Variants in HIVEP3 observed in about 807,000 individuals in gnomAD.
The protein encoded by HIVEP3 is transcription factor HIVEP3.
In HIVEP3, 49 loss-of-function variants were observed where a neutral mutation model predicts 152.8. The observed-to-expected ratio is 0.32, with a 90% confidence interval of 0.26 to 0.41. The LOEUF (loss-of-function observed/expected upper bound fraction) is 0.41, where lower values mean the gene tolerates loss of function less well. HIVEP3 is among the 10% of genes least tolerant of loss of function. The pLI, the probability that HIVEP3 is intolerant of heterozygous loss-of-function variation, is 1.00. For synonymous variants in HIVEP3, 1,269 were observed against 1,289.0 expected, an observed-to-expected ratio of 0.98 and a Z score of 0.33; for missense variants, 2,790 against 3,103.3, an observed-to-expected ratio of 0.90 and a Z score of 2.40.
At chr1:41,536,405 G>A (rs1246524851) in intron 5 of HIVEP3, among the ~76,000 whole-genome samples, 1 of 152,174 alleles carries the variant, frequency 6.6e-6, no homozygotes, top group East Asian at 1.9e-4. Context: ...ACATTGTAAA[G>A]TGGATATATT....
Position 41,533,641 on chromosome 1 carries a change from C to G in HIVEP3, c.5208-8731G>C, listed in dbSNP as rs775772062. ...CGCCCTCTTGCTGGCCTTCTGGAGG[C>G]ACCTCATTCCCTCCTGCTTGTGTCT... On this transcript the variant is annotated intron_variant, in intron 5 of 8. Coordinates refer to ENST00000372583, the MANE Select transcript of HIVEP3 (RefSeq NM_024503.5). This position sits in a 1 kb window ranked among gnomAD's most constrained non-coding sequence, Gnocchi z 4.3. 4.0e-5 allele frequency among the ~76,000 whole-genome samples: 6 copies of G among 151,532 alleles called. No homozygotes were observed. Among genetic ancestry groups the G allele is most frequent in the Non-Finnish European group, 7.4e-5 (5 of 67,920 alleles).
At chr1:41,539,512 G>A (rs66604456) in intron 5 of HIVEP3, among the ~76,000 whole-genome samples, 16,689 of 152,214 alleles carry the variant, frequency 0.11, 1,636 homozygotes, top group East Asian at 0.46. Context: ...AGCCCAGGCC[G>A]ATGCAGGACC....
intron 1 of HIVEP3, among the ~76,000 whole-genome samples, chr1:41,809,451 C>T (rs973503748): frequency 2.0e-5 from 3 of 152,226 alleles, no homozygotes; most frequent in Non-Finnish European, 4.4e-5. Context: ...CTTCTCAATA[C>T]AGGTGATTCT....
rs769075275 is a variant in HIVEP3 at position 41,584,617 on chromosome 1, C to T, written c.181G>A (p.Gly61Ser). ...CCTTCCCTAAGAACTGATGAGGGGC[C>T]CGGGAAGGGCTGCGGGGCTAAGAGC... The part of the protein sequence containing the change: ...QELLAPQPFP[G>S]PSSVLREGSQ... Residue 61 changes from glycine to serine, a missense_variant, in exon 4 of 9, where the codon GGC (glycine) becomes AGC (serine). By Grantham distance (56) the Gly-to-Ser change is moderately conservative (BLOSUM62 0). Transcript: ENST00000372583. This position sits in a 1 kb window ranked among gnomAD's most constrained non-coding sequence, Gnocchi z 5.2. 6.2e-7 allele frequency: 1 copy of T among 1,610,002 alleles called. No individual in the cohort carries two copies. Among genetic ancestry groups the T allele is most frequent in the East Asian group, 2.2e-5 (1 of 44,844 alleles).
chr1:41,886,285 G>A (rs1251175050), intron 1 of HIVEP3, among the ~76,000 whole-genome samples: 1 of 152,116 alleles, frequency 6.6e-6, no homozygotes, highest in Admixed American at 6.6e-5. Flanking sequence ...TCACGTTAAT[G>A]CAAAGTCAAG....
intron 1 of HIVEP3, among the ~76,000 whole-genome samples, chr1:41,705,927 T>C (rs1646426871): frequency 6.6e-6 from 1 of 152,220 alleles, no homozygotes; most frequent in Non-Finnish European, 1.5e-5. Context: ...TACAGCTATA[T>C]CAAGGGTTGA....
At chr1:41,966,875 G>T (rs1645201769) in intron 1 of HIVEP3, among the ~76,000 whole-genome samples, 1 of 151,898 alleles carries the variant, frequency 6.6e-6, no homozygotes, top group Admixed American at 6.6e-5. Flanking sequence ...CAAATGGAAA[G>T]CAGAAAAAAA....
intron 1 of HIVEP3, among the ~76,000 whole-genome samples, chr1:41,881,683 T>C (rs563969713): frequency 2.6e-5 from 4 of 152,370 alleles, no homozygotes; most frequent in African/African-American, 7.2e-5. Context: ...CTGTTCTTAT[T>C]GTAGAGTATT....
At chr1:41,555,782 C>T (rs893462007) in intron 5 of HIVEP3, among the ~76,000 whole-genome samples, 6 of 152,224 alleles carry the variant, frequency 3.9e-5, no homozygotes, top group African/African-American at 1.4e-4. Context: ...TAAACACTCA[C>T]TCCCCATCTC....
chr1:41,711,505 G>A (rs1009303138), intron 1 of HIVEP3, among the ~76,000 whole-genome samples: 1 of 152,202 alleles, frequency 6.6e-6, no homozygotes, highest in Admixed American at 6.5e-5. Flanking sequence ...TCCCTTAGAA[G>A]CTCTGCAAGT....
In HIVEP3 at chr1:41,584,354, G is replaced by T. The variant is rs753892817; in HGVS notation, c.444C>A (p.His148Gln). Residue 148 changes from histidine to glutamine, a missense_variant, in exon 4 of 9, where the codon CAC (histidine) becomes CAA (glutamine). His to Gln is a conservative substitution (Grantham distance 24). This residue lies in a region of HIVEP3 where 209 missense variants were observed against 237.0 expected (regional missense o/e 0.88). Coordinates refer to ENST00000372583, the MANE Select transcript of HIVEP3 (RefSeq NM_024503.5). This position sits in a 1 kb window ranked among gnomAD's most constrained non-coding sequence, Gnocchi z 5.2. ...LHPQSQLLPS[H>Q]ASIIPPEDLP... ...GGTCCTCGGGGGGAATGATGGAAGC[G>T]TGGGAAGGAAGGAGCTGGCTCTGAG... 3.1e-6 allele frequency: 5 copies of T among 1,613,742 alleles called. No homozygotes were observed. The highest frequency in any genetic ancestry group is 1.7e-5 in the Admixed American group (1 of 59,982).
At chr1:41,944,933 C>A (rs952780282) in intron 1 of HIVEP3, among the ~76,000 whole-genome samples, 8 of 152,078 alleles carry the variant, frequency 5.3e-5, no homozygotes, top group African/African-American at 1.9e-4. Context: ...AAGAAAGAAA[C>A]GATTTATATT....
chr1:41,694,897 A>G (rs896936147), intron 2 of HIVEP3, among the ~76,000 whole-genome samples: 5 of 152,196 alleles, frequency 3.3e-5, no homozygotes, highest in Non-Finnish European at 7.4e-5. Context: ...GGCCTGCTGA[A>G]GTCAGGGCTG....
At chr1:41,610,884 T>A (rs2149132529) in intron 3 of HIVEP3, among the ~76,000 whole-genome samples, 1 of 152,306 alleles carries the variant, frequency 6.6e-6, no homozygotes, top group Non-Finnish European at 1.5e-5. Flanking sequence ...TCAGCCTTCT[T>A]AAACTTGCCC....
intron 1 of HIVEP3, among the ~76,000 whole-genome samples, chr1:41,931,906 G>T (rs1326307309): frequency 6.6e-6 from 1 of 151,546 alleles, no homozygotes; most frequent in Non-Finnish European, 1.5e-5. Flanking sequence ...AAAAGACATT[G>T]TTTCCTTTCT....
chr1:41,953,663 A>C (rs1482366836), intron 1 of HIVEP3, among the ~76,000 whole-genome samples: 1 of 152,192 alleles, frequency 6.6e-6, no homozygotes, highest in African/African-American at 2.4e-5. Context: ...TGAATGAATG[A>C]GTGAATGATC....
intron 2 of HIVEP3, among the ~76,000 whole-genome samples, chr1:41,646,533 T>C (rs1306766548): frequency 1.3e-5 from 2 of 152,206 alleles, no homozygotes; most frequent in Non-Finnish European, 2.9e-5. Context: ...GTCTGCACAG[T>C]GTGCCTGCAG....
chr1:41,575,778 G>C, intron 4 of HIVEP3, 89 bp from the exon 5 acceptor site: 2 of 1,391,080 alleles, frequency 1.4e-6, no homozygotes, highest in Non-Finnish European at 2.0e-6. Flanking sequence ...GCCTTACACA[G>C]TACTGCACAA....
chr1:41,986,752 T>C (rs1344758378), intron 1 of HIVEP3, among the ~76,000 whole-genome samples: 2 of 152,246 alleles, frequency 1.3e-5, no homozygotes, highest in Non-Finnish European at 2.9e-5. Context: ...ATAGGACATT[T>C]TTAACACAAA....
Sources: allele counts gnomAD v4.1 joint callset (sites outside exome capture counted in the v4.1 genomes callset), GRCh38; gene constraint gnomAD v4.1.1; regional missense constraint gnomAD v4.1.1; non-coding constraint Gnocchi (gnomAD v3.1); transcripts MANE v1.5; gene names NCBI Gene and HGNC (gene_info 2026-07-23, HGNC 2026-07-21).